Variants in NDUFAF7 observed in about 807,000 individuals in gnomAD.
The protein encoded by NDUFAF7 is protein arginine methyltransferase NDUFAF7, mitochondrial.
In NDUFAF7, 48 loss-of-function variants were observed where a neutral mutation model predicts 47.2. That is an observed-to-expected ratio of 1.02 (90% CI 0.81 to 1.29). The LOEUF (loss-of-function observed/expected upper bound fraction) is 1.29, where lower values mean the gene tolerates loss of function less well. Ranked by LOEUF, NDUFAF7 falls within the 50% of genes most tolerant of loss-of-function variation. The pLI is 0.00. For synonymous variants in NDUFAF7, 217 were observed against 190.0 expected (o/e 1.14, Z -1.17); for missense variants, 635 against 537.6 (o/e 1.18, Z -1.79).
In NDUFAF7 at chr2:37,248,405, A is replaced by T; in HGVS notation, c.*55A>T. 6.6e-7 allele frequency: 1 copy of T among 1,522,512 alleles called. No homozygotes were observed. Among genetic ancestry groups the T allele is most frequent in the Non-Finnish European group, 9.1e-7 (1 of 1,097,234 alleles). 94.3% of individuals were successfully genotyped at this position (1,522,512 alleles called of 1,614,324 possible). On this transcript the variant is annotated 3_prime_UTR_variant, in exon 10 of 10. Coordinates refer to ENST00000002125, the MANE Select transcript of NDUFAF7 (RefSeq NM_144736.5). ...TCGGCCCAAGAAATCAAAATAAAGG[A>T]AACACATTTCATATACTGCAGGTAA...
downstream of NDUFAF7, chr2:37,254,132 T>G: frequency 9.0e-7 from 1 of 1,106,174 alleles, no homozygotes; most frequent in Non-Finnish European, 1.4e-6. Context: ...TAGAGTGGTC[T>G]CATTAGGTGG....
At chr2:37,266,844 G>A in the NDUFAF7 span, among the ~76,000 whole-genome samples, 10,232 of 152,040 alleles carry the variant, frequency 0.067, 385 homozygotes, top group South Asian at 0.082. Context: ...ACTATATAAC[G>A]TACATTTGCA....
At chr2:37,232,569 T>C (rs1389440934) in intron 2 of NDUFAF7, among the ~76,000 whole-genome samples, 3 of 152,170 alleles carry the variant, frequency 2.0e-5, no homozygotes, top group African/African-American at 7.2e-5. Context: ...GTGGTGTGGA[T>C]TCATTGCTTT....
At chr2:37,231,864 C>T in intron 1 of NDUFAF7, 104 bp downstream of exon 1, 1 of 1,585,284 alleles carries the variant, frequency 6.3e-7, no homozygotes, top group Non-Finnish European at 8.6e-7. Context: ...CTCGGGGGCT[C>T]ACTTCCACCT....
intron 2 of NDUFAF7, among the ~76,000 whole-genome samples, chr2:37,233,025 G>T (rs750840171): frequency 2.8e-4 from 42 of 152,166 alleles, no homozygotes; most frequent in Non-Finnish European, 4.3e-4. Flanking sequence ...TTTCGATGCC[G>T]GTTAGGCAGG....
At chr2:37,253,412 T>A, downstream of NDUFAF7, 1 of 1,444,898 alleles carries the variant, frequency 6.9e-7, no homozygotes, top group Non-Finnish European at 9.3e-7. Context: ...AACCTGGTTT[T>A]TGTTTTGTGT....
At chr2:37,245,520 G>A (rs548110825) in intron 7 of NDUFAF7, among the ~76,000 whole-genome samples, 4 of 152,266 alleles carry the variant, frequency 2.6e-5, no homozygotes, top group South Asian at 2.1e-4. Context: ...ATAAGCCAGC[G>A]TTTCTTGATG....
chr2:37,239,766 T>A (rs936946898), intron 4 of NDUFAF7, among the ~76,000 whole-genome samples: 3 of 152,212 alleles, frequency 2.0e-5, no homozygotes, highest in African/African-American at 7.2e-5. Context: ...TATGATTGTA[T>A]TTATATAAAA....
At chr2:37,267,630 G>C in the NDUFAF7 span, 1 of 942,482 alleles carries the variant, frequency 1.1e-6, no homozygotes, top group Non-Finnish European at 1.6e-6. Flanking sequence ...ATTTACTCTT[G>C]AATTTTCTTT....
the NDUFAF7 span, chr2:37,260,187 A>C: frequency 2.6e-6 from 4 of 1,547,032 alleles, no homozygotes; most frequent in South Asian, 1.2e-5. Flanking sequence ...ATTAGTTTTT[A>C]ATCGCTAGTT....
rs377360458 is a variant in NDUFAF7 at position 37,243,980 on chromosome 2, A to C, written c.792+7A>C. The C allele has an allele frequency of 2.4e-5, 39 of 1,595,308 alleles. No individual in the cohort carries two copies. The African/African-American group carries it at 3.9e-4, about 16-fold the overall frequency. ...AGCAGAAGCCTTCATACAAGTAAGA[A>C]TATGCTTTTTTAAGTTTCTTTTATT... On this transcript the variant is annotated splice_region_variant and intron_variant, in intron 7 of 9. Transcript: ENST00000002125.
intron 2 of NDUFAF7, 21 bp from the exon 3 acceptor site, chr2:37,236,075 C>CT: frequency 1.3e-6 from 2 of 1,586,354 alleles, no homozygotes; most frequent in Non-Finnish European, 1.7e-6. Context: ...TTTTGTTTCT[C>CT]TATTTTCTCT....
chr2:37,268,097 T>C, the NDUFAF7 span: 1 of 297,996 alleles, frequency 3.4e-6, no homozygotes, highest in Non-Finnish European at 6.6e-6. Context: ...TATTATGTAC[T>C]AGGTATGCCT....
intron 2 of NDUFAF7, among the ~76,000 whole-genome samples, chr2:37,233,688 G>C (rs1210572229): frequency 6.6e-6 from 1 of 151,278 alleles, no homozygotes; most frequent in Non-Finnish European, 1.5e-5. Flanking sequence ...ATATACATTT[G>C]CTCGTCATCA....
chr2:37,268,176 C>G, the NDUFAF7 span: 1 of 368,688 alleles, frequency 2.7e-6, no homozygotes, highest in Non-Finnish European at 5.5e-6. Flanking sequence ...AAATATGTAT[C>G]TGACTTGCTC....
intron 7 of NDUFAF7, among the ~76,000 whole-genome samples, chr2:37,245,760 A>G (rs897183674): frequency 3.3e-5 from 5 of 152,338 alleles, no homozygotes; most frequent in Admixed American, 1.3e-4. Context: ...AAGTAATTTT[A>G]CATTAAATGA....
intron 5 of NDUFAF7, chr2:37,242,311 T>G: frequency 3.4e-6 from 1 of 290,774 alleles, no homozygotes; most frequent in South Asian, 3.6e-5. Context: ...TGCCTCAGCC[T>G]TCTCAGGCTG....
rs1667245409 is a variant in NDUFAF7, at chr2:37,249,085, AAG to A, written c.*738_*739del. On this transcript the variant is annotated 3_prime_UTR_variant, in exon 10 of 10. Transcript: ENST00000002125. ...TAGTAAGTGAAAAAAAGTAGGATGC[AAG>A]AGTTTTTATAGTTGATTCCATTTTT... The A allele has an allele frequency of 6.6e-6, 1 of 152,470 alleles. No homozygotes were observed. 9.4% of individuals were successfully genotyped at this position (152,470 alleles called of 1,614,324 possible).
chr2:37,260,277 T>C, the NDUFAF7 span: 2 of 1,611,482 alleles, frequency 1.2e-6, no homozygotes, highest in African/African-American at 1.3e-5. Context: ...TCTCACTGGA[T>C]AGAATCATTT....
Sources: allele counts gnomAD v4.1 joint callset (sites outside exome capture counted in the v4.1 genomes callset), GRCh38; gene constraint gnomAD v4.1.1; transcripts MANE v1.5; gene names NCBI Gene and HGNC (gene_info 2026-07-23, HGNC 2026-07-21).